GNA14: variants seen among roughly 807,000 people sequenced by gnomAD.
GNA14 encodes the protein G protein subunit alpha 14, also known as guanine nucleotide-binding protein subunit alpha-14.
GNA14 carries 50 observed loss-of-function variants against 42.0 expected under a neutral mutation model. The ratio of observed to expected loss-of-function variants is 1.19; its 90% CI spans 0.95 to 1.51. GNA14 has a LOEUF of 1.51. Among genes scored for constraint, GNA14 ranks in the 40% most tolerant of loss-of-function variants. The probability of loss-of-function intolerance (pLI) is 0.00; values close to 1 mark genes in which losing one functional copy is unlikely to be tolerated. For synonymous variants in GNA14, 173 were observed against 163.1 expected, an observed-to-expected ratio of 1.06 and a Z score of -0.46; for missense variants, 473 against 446.2, an observed-to-expected ratio of 1.06 and a Z score of -0.54.
intron 2 of GNA14, among the ~76,000 whole-genome samples, chr9:77,452,598 T>C (rs867679312): frequency 5.2e-3 from 2 of 382 alleles, no homozygotes; most frequent in Non-Finnish European, 4.0e-3. Flanking sequence ...GTGTGTGTGG[T>C]GTGTATGTGT....
intron 2 of GNA14, among the ~76,000 whole-genome samples, chr9:77,511,932 A>G (rs142124834): frequency 0.011 from 1,642 of 152,320 alleles, 17 homozygotes; most frequent in South Asian, 0.025. Context: ...TAGACCCTCG[A>G]TAACTGTTTG....
In GNA14 at chr9:77,640,599, A is replaced by C. The variant is rs534444608; in HGVS notation, c.124+7071T>G. 3.3e-5 allele frequency among the ~76,000 whole-genome samples: 5 copies of C among 152,290 alleles called. No homozygotes were observed. In the East Asian group the frequency reaches 9.7e-4, roughly 29 times the overall value. The stretch of plus-strand genomic sequence containing the variant: ...TCCACTTTATATCTGCCCACAGCTT[A>C]AGACTTATTAAAGCCTCAAAAATTT... On this transcript the variant is annotated intron_variant, in intron 1 of 6. Transcript: ENST00000341700.
At chr9:77,606,475 T>C (rs532577944) in intron 1 of GNA14, among the ~76,000 whole-genome samples, 2 of 152,222 alleles carry the variant, frequency 1.3e-5, no homozygotes, top group Non-Finnish European at 2.9e-5. Flanking sequence ...TTAATATTCA[T>C]AGCCCTCTCT....
chr9:77,476,699 G>C (rs572998004), intron 2 of GNA14, among the ~76,000 whole-genome samples: 1 of 152,304 alleles, frequency 6.6e-6, no homozygotes, highest in African/African-American at 2.4e-5. Flanking sequence ...AAATGAATTG[G>C]AACTATTGTG....
At chr9:77,616,908 C>T (rs1220522857) in intron 1 of GNA14, among the ~76,000 whole-genome samples, 5 of 149,132 alleles carry the variant, frequency 3.4e-5, no homozygotes, top group South Asian at 4.2e-4. Context: ...CTCACTCTGT[C>T]GCCCAGGCTG....
chr9:77,456,971 C>T (rs1372739987), intron 2 of GNA14, among the ~76,000 whole-genome samples: 1 of 152,190 alleles, frequency 6.6e-6, no homozygotes, highest in African/African-American at 2.4e-5. Context: ...ACAGCCAGGA[C>T]TTAGGTTTCA....
chr9:77,615,866 GGT>G, intron 1 of GNA14, among the ~76,000 whole-genome samples: 2 of 138,860 alleles, frequency 1.4e-5, no homozygotes, highest in South Asian at 2.3e-4. Context: ...TGTTTTTTGG[GGT>G]TTTTTTTTTG....
At chr9:77,618,834 C>A (rs1319705457) in intron 1 of GNA14, among the ~76,000 whole-genome samples, 1 of 148,982 alleles carries the variant, frequency 6.7e-6, no homozygotes, top group African/African-American at 2.5e-5. Context: ...GGGGTTTCAC[C>A]GTTTTAGCCG....
chr9:77,464,610 G>C lies in GNA14; in HGVS notation c.310-30088C>G, dbSNP rs182400385. 1.9e-3 allele frequency among the ~76,000 whole-genome samples: 292 copies of C among 151,958 alleles called. 1 individual carries two copies. Among genetic ancestry groups the C allele is most frequent in the African/African-American group, 6.7e-3 (276 of 41,450 alleles). Reference sequence around the variant, plus strand: ...ATCCATTCAAAACACACAAGTCAATGGTTTTTAGAATATCCAACGAGTCAT... The same window carrying C: ...ATCCATTCAAAACACACAAGTCAATCGTTTTTAGAATATCCAACGAGTCAT... On this transcript the variant is annotated intron_variant, in intron 2 of 6. Coordinates refer to ENST00000341700, the MANE Select transcript of GNA14 (RefSeq NM_004297.4).
chr9:77,487,088 A>G (rs10117230), intron 2 of GNA14, among the ~76,000 whole-genome samples: 28,690 of 151,856 alleles, frequency 0.19, 2,890 homozygotes, highest in East Asian at 0.33. Flanking sequence ...GTATGCTTGT[A>G]TTATGTTTTT....
chr9:77,490,142 C>G (rs1203469022), intron 2 of GNA14, among the ~76,000 whole-genome samples: 1 of 152,194 alleles, frequency 6.6e-6, no homozygotes, highest in Non-Finnish European at 1.5e-5. Context: ...TTTACAATCC[C>G]TGAGCTAGAC....
At chr9:77,624,549 C>T (rs1227345551) in intron 1 of GNA14, among the ~76,000 whole-genome samples, 1 of 152,154 alleles carries the variant, frequency 6.6e-6, no homozygotes, top group Non-Finnish European at 1.5e-5. Flanking sequence ...AGATGCCCCT[C>T]TGGGAAGAAG....
intron 5 of GNA14, 99 bp downstream of exon 5, chr9:77,428,808 C>T: frequency 8.5e-7 from 1 of 1,178,768 alleles, no homozygotes. Flanking sequence ...GACTGTTTGA[C>T]CTAATGACGA....
At chr9:77,541,182 G>T (rs1235742598) in intron 1 of GNA14, among the ~76,000 whole-genome samples, 1 of 152,090 alleles carries the variant, frequency 6.6e-6, no homozygotes, top group East Asian at 1.9e-4. Context: ...TTCACTTCCA[G>T]GTTTAGGACT....
intron 1 of GNA14, among the ~76,000 whole-genome samples, chr9:77,599,864 CAATTA>C (rs963851388): frequency 9.2e-5 from 14 of 152,198 alleles, no homozygotes; most frequent in African/African-American, 3.4e-4. Flanking sequence ...GGAATAATGA[CAATTA>C]AATTTTAAAA....
chr9:77,515,769 G>A (rs368073552), intron 2 of GNA14, among the ~76,000 whole-genome samples: 25 of 151,724 alleles, frequency 1.6e-4, no homozygotes, highest in African/African-American at 5.3e-4. Context: ...TTCAAGACCA[G>A]CCTGGGCAAC....
chr9:77,500,045 G>A lies in GNA14; in HGVS notation c.309+29024C>T, dbSNP rs1265910834. Among the ~76,000 whole-genome samples, 12 of 148,978 alleles carry A rather than the reference G, an allele frequency of 8.1e-5. No individual in the cohort carries two copies. In the South Asian group the frequency reaches 1.9e-3, roughly 24 times the overall value. On this transcript the variant is annotated intron_variant, in intron 2 of 6. Coordinates refer to ENST00000341700, the MANE Select transcript of GNA14 (RefSeq NM_004297.4). ...TCTTTTCTTTTTTTTTTTTTGAAAC[G>A]GAGTTTCACTCTTGTTGCTCAGGCT... is the stretch of plus-strand genomic sequence containing the variant.
rs528029821 is a variant in GNA14 at position 77,576,034 on chromosome 9, C to T, written c.125-46781G>A. On this transcript the variant is annotated intron_variant, in intron 1 of 6. Coordinates refer to ENST00000341700, the MANE Select transcript of GNA14 (RefSeq NM_004297.4). ...TTGTTGCAATGAATTTATTAGTAAC[C>T]ATGGTGAGCATTTATTATTGTTTAT... 1.8e-4 allele frequency among the ~76,000 whole-genome samples: 27 copies of T among 152,278 alleles called. 2 individuals are homozygous for T. The South Asian group carries it at 4.1e-3, about 23-fold the overall frequency.
At chr9:77,545,065 GA>G (rs979773483) in intron 1 of GNA14, among the ~76,000 whole-genome samples, 2 of 151,658 alleles carry the variant, frequency 1.3e-5, no homozygotes, top group Non-Finnish European at 1.5e-5. Context: ...TTACTTAAAG[GA>G]AAAAAAAGAA....
Sources: gnomAD v4.1 joint callset for allele counts (sites outside exome capture counted in the v4.1 genomes callset) on GRCh38, gnomAD v4.1.1 for gene constraint, MANE v1.5 for transcripts, NCBI Gene and HGNC (gene_info 2026-07-23, HGNC 2026-07-21) for gene names.